CSMD1: variants seen among roughly 807,000 people sequenced by gnomAD.
The protein encoded by CSMD1 is CUB and Sushi multiple domains 1, also known as CUB and sushi domain-containing protein 1.
A neutral mutation model predicts 417.5 loss-of-function variants in CSMD1; 213 were observed. That is an observed-to-expected ratio of 0.51 (90% CI 0.46 to 0.57). The LOEUF (loss-of-function observed/expected upper bound fraction) is 0.57, where lower values mean the gene tolerates loss of function less well. Ranked by LOEUF, CSMD1 falls within the 20% of genes least tolerant of loss-of-function variation. The pLI, the probability that CSMD1 is intolerant of heterozygous loss-of-function variation, is 0.00. For synonymous variants in CSMD1, 2,862 were observed against 1,736.8 expected (o/e 1.65, Z -16.11); for missense variants, 6,923 against 4,529.7 (o/e 1.53, Z -15.17).
rs756462355 is a variant in CSMD1 at position 3,343,043 on chromosome 8, T to C, written c.3631+251A>G. Among the ~76,000 whole-genome samples the C allele has an allele frequency of 3.9e-5, 6 of 152,162 alleles. No individual in the cohort carries two copies. In the South Asian group the frequency reaches 1.2e-3, roughly 31 times the overall value. ...ATATTTAAGCCCATCAGATCTAAAA[T>C]GTTGTAAGACGTTTCCTTTTCAGGT... On this transcript the variant is annotated intron_variant, in intron 23 of 69. Transcript: ENST00000635120.
At chr8:4,016,649 C>T (rs1796537577) in intron 4 of CSMD1, among the ~76,000 whole-genome samples, 1 of 152,200 alleles carries the variant, frequency 6.6e-6, no homozygotes, top group Non-Finnish European at 1.5e-5. Context: ...TTGTCTTCTA[C>T]AGGTTTGTCT....
At chr8:4,075,332 A>T (rs551277364) in intron 3 of CSMD1, among the ~76,000 whole-genome samples, 15 of 152,206 alleles carry the variant, frequency 9.9e-5, no homozygotes, top group Non-Finnish European at 1.0e-4. Context: ...CACCTAAGAG[A>T]ATATAGAGCT....
chr8:4,923,930 A>T (rs1806674733), intron 1 of CSMD1, among the ~76,000 whole-genome samples: 1 of 152,218 alleles, frequency 6.6e-6, no homozygotes, highest in Non-Finnish European at 1.5e-5. Context: ...TGGAGGAAAG[A>T]AAGTAGCTTA....
At chr8:4,068,007 G>C (rs781385292) in intron 3 of CSMD1, among the ~76,000 whole-genome samples, 2 of 152,104 alleles carry the variant, frequency 1.3e-5, no homozygotes, top group South Asian at 2.1e-4. Flanking sequence ...AACCCTGAGT[G>C]GGGGCGAAGG....
chr8:3,772,976 A>C (rs1798699727), intron 5 of CSMD1, among the ~76,000 whole-genome samples: 1 of 152,060 alleles, frequency 6.6e-6, no homozygotes, highest in South Asian at 2.1e-4. Flanking sequence ...AGTGGATCCC[A>C]CTTCTGGGAA....
At chr8:3,175,552 TCTCC>T (rs1820882986) in intron 37 of CSMD1, among the ~76,000 whole-genome samples, 1 of 132,614 alleles carries the variant, frequency 7.5e-6, no homozygotes, top group African/African-American at 2.9e-5. Flanking sequence ...TCCCTCCCTC[TCTCC>T]CTCCCTGCCT....
intron 3 of CSMD1, among the ~76,000 whole-genome samples, chr8:4,161,930 A>C (rs1340628592): frequency 6.6e-6 from 1 of 152,158 alleles, no homozygotes; most frequent in African/African-American, 2.4e-5. Context: ...CTTTCGTTTA[A>C]ATATTCAGTA....
At chr8:3,257,643 G>A (rs2081279) in intron 26 of CSMD1, among the ~76,000 whole-genome samples, 45,630 of 151,904 alleles carry the variant, frequency 0.3, 7,086 homozygotes, top group Admixed American at 0.35. Flanking sequence ...TCAGCCTTGC[G>A]GGTACCTGGG....
At chr8:3,514,240 T>C (rs574669820) in intron 10 of CSMD1, among the ~76,000 whole-genome samples, 46 of 151,988 alleles carry the variant, frequency 3.0e-4, no homozygotes, top group African/African-American at 1.1e-3. Flanking sequence ...TTTCTTAGAG[T>C]CTCTTTCATT....
intron 5 of CSMD1, among the ~76,000 whole-genome samples, chr8:3,776,823 T>C (rs139213900): frequency 6.6e-6 from 1 of 151,266 alleles, no homozygotes; most frequent in East Asian, 2.0e-4. Flanking sequence ...TATATATATA[T>C]ACAGATGACA....
Position 4,361,922 on chromosome 8 carries a change from G to A in CSMD1, c.415+58031C>T, listed in dbSNP as rs898267830. Among the ~76,000 whole-genome samples the A allele has an allele frequency of 5.9e-5, 9 of 152,002 alleles. No individual in the cohort carries two copies. In the East Asian group the frequency reaches 9.7e-4, roughly 16 times the overall value. On this transcript the variant is annotated intron_variant, in intron 3 of 69. Coordinates refer to ENST00000635120, the MANE Select transcript of CSMD1 (RefSeq NM_033225.6). ...GTGAGGCGAGTTCACTCCACTGCAC[G>A]CCAAGGCCCTCCAGCCTGGGCAACA...
At chr8:4,629,569 C>G (rs761883270) in intron 2 of CSMD1, among the ~76,000 whole-genome samples, 1 of 152,024 alleles carries the variant, frequency 6.6e-6, no homozygotes, top group Non-Finnish European at 1.5e-5. Context: ...TTGTCGTTTG[C>G]CTTTTGAATG....
At chr8:3,219,135 G>A (rs889976521) in intron 29 of CSMD1, 120 bp downstream of exon 29, 2 of 740,326 alleles carry the variant, frequency 2.7e-6, no homozygotes, top group Admixed American at 2.6e-5. Flanking sequence ...CCCAGACAGA[G>A]GAGACACATA....
chr8:4,317,661 G>A lies in CSMD1; in HGVS notation c.415+102292C>T, dbSNP rs189535625. ...AATTTTATTTACTGACAAGCAGGAA[G>A]TTTAAATCAATAGTTCTTTATAGAC... On this transcript the variant is annotated intron_variant, in intron 3 of 69. Coordinates refer to ENST00000635120, the MANE Select transcript of CSMD1 (RefSeq NM_033225.6). 2.3e-3 allele frequency among the ~76,000 whole-genome samples: 353 copies of A among 152,210 alleles called. 2 individuals are homozygous for A. The highest frequency in any genetic ancestry group is 3.5e-3 in the Non-Finnish European group (235 of 68,000).
chr8:4,274,853 T>A (rs1030192928), intron 3 of CSMD1, among the ~76,000 whole-genome samples: 14 of 152,296 alleles, frequency 9.2e-5, no homozygotes, highest in Admixed American at 2.6e-4. Flanking sequence ...GTACTGCTTT[T>A]ATTTTTTCCC....
chr8:3,330,592 T>C (rs749203540), intron 23 of CSMD1, among the ~76,000 whole-genome samples: 17 of 151,998 alleles, frequency 1.1e-4, no homozygotes, highest in South Asian at 1.0e-3. Flanking sequence ...CTGGGGCCTA[T>C]TGGAGGGTGG....
At chr8:3,927,596 C>T (rs921014284) in intron 5 of CSMD1, among the ~76,000 whole-genome samples, 5 of 149,524 alleles carry the variant, frequency 3.3e-5, no homozygotes, top group African/African-American at 7.3e-5. Context: ...AACTGGAAGG[C>T]GGAGGTTGCA....
chr8:3,866,301 C>G (rs1805098981), intron 5 of CSMD1, among the ~76,000 whole-genome samples: 1 of 152,150 alleles, frequency 6.6e-6, no homozygotes, highest in South Asian at 2.1e-4. Flanking sequence ...TAAAAGGAAG[C>G]TGCTGTAAAA....
chr8:4,543,279 C>T (rs1002096663), intron 2 of CSMD1, among the ~76,000 whole-genome samples: 14 of 152,106 alleles, frequency 9.2e-5, no homozygotes, highest in Non-Finnish European at 2.1e-4. Flanking sequence ...CCTAAAGATC[C>T]CCAAAGCTTC....
Sources: gnomAD v4.1 joint callset for allele counts (sites outside exome capture counted in the v4.1 genomes callset) on GRCh38, gnomAD v4.1.1 for gene constraint, MANE v1.5 for transcripts, NCBI Gene and HGNC (gene_info 2026-07-23, HGNC 2026-07-21) for gene names.